The following SGK1 variants were observed in gnomAD, a reference collection of about 807,000 sequenced individuals.
SGK1 encodes serum/glucocorticoid regulated kinase 1, also known as serine/threonine-protein kinase Sgk1.
SGK1 carries 26 observed loss-of-function variants against 64.2 expected under a neutral mutation model. The observed-to-expected ratio is 0.40, with a 90% confidence interval of 0.30 to 0.56. The LOEUF (loss-of-function observed/expected upper bound fraction) is 0.56. Ranked by LOEUF, SGK1 falls within the 20% of genes least tolerant of loss-of-function variation. The pLI is 0.38. For missense variants in SGK1, 519 were observed against 645.6 expected, an observed-to-expected ratio of 0.80 and a Z score of 2.12; for synonymous variants, 265 against 239.7, an observed-to-expected ratio of 1.11 and a Z score of -0.98.
intron 2 of SGK1, among the ~76,000 whole-genome samples, chr6:134,228,089 G>A (rs1444716424): frequency 6.6e-6 from 1 of 151,650 alleles, no homozygotes; most frequent in African/African-American, 2.4e-5. Context: ...CCGAGTAGCT[G>A]GGATTACAGG....
At chr6:134,205,756 A>G (rs892310836) in intron 3 of SGK1, among the ~76,000 whole-genome samples, 3 of 152,238 alleles carry the variant, frequency 2.0e-5, no homozygotes, top group African/African-American at 7.2e-5. Context: ...GGCAAACACT[A>G]CATTAGATTT....
chr6:134,298,355 G>A, intron 1 of SGK1: 1 of 1,550,702 alleles, frequency 6.4e-7, no homozygotes, highest in African/African-American at 1.4e-5. Flanking sequence ...ATCTTGTTCT[G>A]CTGCTCCAGG....
chr6:134,264,319 T>C (rs564395433), intron 1 of SGK1, among the ~76,000 whole-genome samples: 36 of 151,922 alleles, frequency 2.4e-4, no homozygotes, highest in South Asian at 6.2e-4. Flanking sequence ...CCGGGTTTCA[T>C]CGTGTTAGCC....
chr6:134,214,353 G>A (rs997053862), intron 2 of SGK1, among the ~76,000 whole-genome samples: 5 of 152,114 alleles, frequency 3.3e-5, no homozygotes, highest in South Asian at 2.1e-4. Context: ...CAATTTGGGA[G>A]GCCGAGGCAG....
At chr6:134,199,230 G>T (rs1300923223) in intron 3 of SGK1, among the ~76,000 whole-genome samples, 1 of 152,126 alleles carries the variant, frequency 6.6e-6, no homozygotes, top group Non-Finnish European at 1.5e-5. Flanking sequence ...CCTGGGTGAT[G>T]AAACAGTCTG....
At chr6:134,173,426 G>A (rs1440373659) in intron 6 of SGK1, 36 bp downstream of exon 6, 1 of 1,577,868 alleles carries the variant, frequency 6.3e-7, no homozygotes, top group Non-Finnish European at 8.7e-7. Flanking sequence ...AGGACATGAA[G>A]GAAGTGTACC....
At chr6:134,210,900 G>A (rs986535548) in intron 2 of SGK1, among the ~76,000 whole-genome samples, 1 of 151,718 alleles carries the variant, frequency 6.6e-6, no homozygotes, top group Non-Finnish European at 1.5e-5. Flanking sequence ...TGAGGCGGGT[G>A]GGTCGCCTGA....
chr6:134,175,051 G>A (rs1277305812), intron 3 of SGK1, among the ~76,000 whole-genome samples: 1 of 152,118 alleles, frequency 6.6e-6, no homozygotes, highest in Non-Finnish European at 1.5e-5. Flanking sequence ...AGCCCCGGGC[G>A]GGGGCGCGAG....
chr6:134,202,009 A>C (rs1191578111), intron 3 of SGK1, among the ~76,000 whole-genome samples: 1 of 152,212 alleles, frequency 6.6e-6, no homozygotes, highest in East Asian at 1.9e-4. Context: ...TGAGAGATCT[A>C]CATCTTAAAG....
At position 134,198,726 on chromosome 6, in the gene SGK1, A is replaced by ATTTTTTTTTT. The variant is rs1178699258; in HGVS notation, c.361+8620_361+8629dup. The stretch of plus-strand genomic sequence containing the variant: ...TTTTTTCTTCTTTTTCTCTTTTTCT[A>ATTTTTTTTTT]TTTTTTTTTTTTTTTTTTTTGAAAA... On this transcript the variant is annotated intron_variant, in intron 3 of 13. Transcript: ENST00000367858. Among the ~76,000 whole-genome samples, 34 of 101,772 alleles carry ATTTTTTTTTT rather than the reference A, an allele frequency of 3.3e-4. 1 individual carries two copies. Among genetic ancestry groups the ATTTTTTTTTT allele is most frequent in the African/African-American group, 7.8e-4 (21 of 26,960 alleles). 66.8% of individuals were successfully genotyped at this position (101,772 alleles called of 152,430 possible). A position where few individuals can be genotyped will look rare whatever the true frequency, so the allele number is the denominator to read the frequency against.
intron 2 of SGK1, among the ~76,000 whole-genome samples, chr6:134,225,585 T>G (rs888031352): frequency 2.0e-5 from 3 of 152,126 alleles, no homozygotes; most frequent in Non-Finnish European, 4.4e-5. Flanking sequence ...TAATAATTAC[T>G]AATAATATTT....
At chr6:134,241,337 A>G (rs1378673796) in intron 2 of SGK1, among the ~76,000 whole-genome samples, 3 of 151,490 alleles carry the variant, frequency 2.0e-5, no homozygotes, top group African/African-American at 7.3e-5. Context: ...GTGTGGGTCA[A>G]TGGACCCAGG....
chr6:134,294,401 C>T (rs979393589), intron 1 of SGK1, among the ~76,000 whole-genome samples: 1 of 152,176 alleles, frequency 6.6e-6, no homozygotes, highest in Non-Finnish European at 1.5e-5. Context: ...TCCTCATCCC[C>T]CTTCTTCCCT....
At chr6:134,259,588 G>A (rs1776732853) in intron 2 of SGK1, among the ~76,000 whole-genome samples, 1 of 152,114 alleles carries the variant, frequency 6.6e-6, no homozygotes, top group South Asian at 2.1e-4. Context: ...AGGTTGCAGT[G>A]AGCTGAGATC....
At chr6:134,297,927 T>G (rs1777386717) in intron 1 of SGK1, 1 of 806,788 alleles carries the variant, frequency 1.2e-6, no homozygotes, top group African/African-American at 1.7e-5. Context: ...CTCCTCGTAC[T>G]GCGCCTTGAC....
chr6:134,196,968 C>G (rs758730696), intron 3 of SGK1, among the ~76,000 whole-genome samples: 12 of 152,168 alleles, frequency 7.9e-5, no homozygotes, highest in Non-Finnish European at 1.6e-4. Context: ...TGCAGTGACT[C>G]ACGCCTATAA....
At chr6:134,206,348 TATATATATATATATATATATA>T (rs1775770291) in intron 3 of SGK1, among the ~76,000 whole-genome samples, 1 of 10,942 alleles carries the variant, frequency 9.1e-5, no homozygotes, top group East Asian at 2.0e-3. Flanking sequence ...GATATATATA[TATATATATATATATATATATA>T]TATATATATA....
chr6:134,206,374 T>C (rs1294085946), intron 3 of SGK1, among the ~76,000 whole-genome samples: 643 of 7,408 alleles, frequency 0.087, 31 homozygotes, highest in African/African-American at 0.2. Flanking sequence ...TATATATATA[T>C]ATATATATAT....
At chr6:134,173,418 G>A in intron 6 of SGK1, 44 bp downstream of exon 6, 1 of 1,572,092 alleles carries the variant, frequency 6.4e-7, no homozygotes, top group Non-Finnish European at 8.7e-7. Context: ...TACAAAAGAG[G>A]ACATGAAGGA....
Sources: gnomAD v4.1 joint callset for allele counts (sites outside exome capture counted in the v4.1 genomes callset) on GRCh38, gnomAD v4.1.1 for gene constraint, MANE v1.5 for transcripts, NCBI Gene and HGNC (gene_info 2026-07-23, HGNC 2026-07-21) for gene names.